The following PGM2L1 variants were observed in gnomAD, a reference collection of about 807,000 sequenced individuals.
PGM2L1 encodes glucose 1,6-bisphosphate synthase.
PGM2L1 carries 35 observed loss-of-function variants against 73.4 expected under a neutral mutation model. That is an observed-to-expected ratio of 0.48 (90% confidence interval 0.36 to 0.63). PGM2L1 has a LOEUF of 0.63. Among genes scored for constraint, PGM2L1 ranks in the 30% least tolerant of loss-of-function variants. The pLI is 0.00. For missense variants in PGM2L1, 570 were observed against 742.0 expected, an observed-to-expected ratio of 0.77 and a Z score of 2.69; for synonymous variants, 225 against 253.8, an observed-to-expected ratio of 0.89 and a Z score of 1.08.
At chr11:74,351,216 T>A (rs1288319226) in intron 6 of PGM2L1, among the ~76,000 whole-genome samples, 167 bp downstream of exon 6, 1 of 152,256 alleles carries the variant, frequency 6.6e-6, no homozygotes, top group Non-Finnish European at 1.5e-5. Context: ...ACTTATCCAT[T>A]CATTAGTTAA....
intron 5 of PGM2L1, among the ~76,000 whole-genome samples, chr11:74,360,558 G>A (rs979835536): frequency 3.3e-5 from 5 of 152,100 alleles, no homozygotes; most frequent in African/African-American, 1.2e-4. Flanking sequence ...TGGACAGTGG[G>A]GGCAGGACAG....
At chr11:74,390,170 G>GGA (rs1863079507) in intron 1 of PGM2L1, among the ~76,000 whole-genome samples, 1 of 138,888 alleles carries the variant, frequency 7.2e-6, no homozygotes, top group South Asian at 2.2e-4. Context: ...TTTTATGAAA[G>GGA]AAAAAAAAAA....
In PGM2L1 at chr11:74,342,950, C is replaced by T; in HGVS notation, c.1377G>A (p.Glu459=). Residue 459 remains glutamate, a synonymous_variant, in exon 11 of 14, where the codon GAG becomes GAA. Coordinates refer to ENST00000298198, the MANE Select transcript of PGM2L1 (RefSeq NM_173582.6). ...DGVSAAVVVA[E]MASYLETMNI... is the part of the protein sequence containing the mutation. ...TCATGGTTTCCAGGTAAGATGCCAT[C>T]TCAGCAACCACAACAGCTGCACTCA... 6.2e-7 allele frequency: 1 copy of T among 1,611,284 alleles called. No homozygotes were observed.
At chr11:74,392,602 G>A (rs1055131264) in intron 1 of PGM2L1, among the ~76,000 whole-genome samples, 1 of 151,596 alleles carries the variant, frequency 6.6e-6, no homozygotes, top group Admixed American at 6.6e-5. Context: ...GTGCAGTGGC[G>A]CGATGTCGGC....
At chr11:74,379,065 A>G (rs1420231745) in intron 1 of PGM2L1, among the ~76,000 whole-genome samples, 1 of 152,204 alleles carries the variant, frequency 6.6e-6, no homozygotes, top group Non-Finnish European at 1.5e-5. Flanking sequence ...GTATAAAGGA[A>G]TACTTGAGGC....
rs1366762446 is a variant in PGM2L1 at position 74,332,680 on chromosome 11, T to C, written c.*3972A>G. 1 of 152,490 alleles carries C rather than the reference T, an allele frequency of 6.6e-6. No homozygotes were observed. The highest frequency in any genetic ancestry group is 1.5e-5 in the Non-Finnish European group (1 of 68,030). The allele number at this position is 152,490 out of a possible 1,614,324, so 9.4% of individuals were successfully genotyped here. ...GGAAAAAAGTACTGATAGCAGCAGC[T>C]CATAGAACAACTTATCCATTAAACT... On this transcript the variant is annotated 3_prime_UTR_variant, in exon 14 of 14. Transcript: ENST00000298198.
intron 1 of PGM2L1, among the ~76,000 whole-genome samples, chr11:74,382,679 T>C (rs558579643): frequency 1.3e-5 from 2 of 152,170 alleles, no homozygotes; most frequent in South Asian, 4.1e-4. Flanking sequence ...TTTAATTTTT[T>C]GTAGAGATTG....
chr11:74,389,282 C>A (rs61258589), intron 1 of PGM2L1, among the ~76,000 whole-genome samples: 1 of 151,748 alleles, frequency 6.6e-6, no homozygotes, highest in African/African-American at 2.4e-5. Flanking sequence ...AAACAAAAAC[C>A]CTGAGCTAAT....
chr11:74,355,705 G>GGCA (rs1005080424), intron 5 of PGM2L1: 16 of 513,678 alleles, frequency 3.1e-5, no homozygotes, highest in African/African-American at 2.9e-4. Context: ...CAGTAGCTAT[G>GGCA]GCAGCAGCAG....
At chr11:74,342,801 T>C (rs1862202771) in intron 11 of PGM2L1, 84 bp downstream of exon 11, 3 of 1,429,414 alleles carry the variant, frequency 2.1e-6, no homozygotes, top group Non-Finnish European at 2.8e-6. Context: ...GGATCAACTA[T>C]TCTTCAGAAA....
intron 1 of PGM2L1, among the ~76,000 whole-genome samples, chr11:74,386,415 G>T (rs1279998372): frequency 1.3e-5 from 2 of 151,724 alleles, no homozygotes; most frequent in Non-Finnish European, 2.9e-5. Flanking sequence ...TATATTATTG[G>T]TAGAATAATA....
intron 5 of PGM2L1, among the ~76,000 whole-genome samples, 158 bp from the exon 6 acceptor site, chr11:74,351,734 G>A (rs968711469): frequency 1.3e-5 from 2 of 151,944 alleles, no homozygotes; most frequent in East Asian, 1.9e-4. Context: ...AGGCTGAGGC[G>A]GGCAGATCAC....
Position 74,336,395 on chromosome 11 carries a change from C to T in PGM2L1, c.*257G>A, listed in dbSNP as rs1862095508. On this transcript the variant is annotated 3_prime_UTR_variant, in exon 14 of 14. Coordinates refer to ENST00000298198, the MANE Select transcript of PGM2L1 (RefSeq NM_173582.6). Reference sequence around the variant, plus strand: ...TGTTTCTGTTAACGGAAGGACAATACGTTACTATAATACTTTTAGTGTAAT... The same window carrying T: ...TGTTTCTGTTAACGGAAGGACAATATGTTACTATAATACTTTTAGTGTAAT... 2 of 241,888 alleles carry T rather than the reference C, an allele frequency of 8.3e-6. No homozygotes were observed. The highest frequency in any genetic ancestry group is 2.3e-5 in the African/African-American group (1 of 44,424). 15.0% of individuals were successfully genotyped at this position (241,888 alleles called of 1,614,324 possible).
chr11:74,386,354 T>C (rs1425819751), intron 1 of PGM2L1, among the ~76,000 whole-genome samples: 1 of 151,932 alleles, frequency 6.6e-6, no homozygotes, highest in African/African-American at 2.4e-5. Context: ...CAAAGAAAAA[T>C]ATTTGATACT....
chr11:74,339,451 T>C (rs1862150949), intron 12 of PGM2L1, among the ~76,000 whole-genome samples: 1 of 152,170 alleles, frequency 6.6e-6, no homozygotes, highest in Admixed American at 6.5e-5. Flanking sequence ...TCCTCAGCTG[T>C]CCTGAGCCAT....
intron 5 of PGM2L1, among the ~76,000 whole-genome samples, chr11:74,357,536 A>G (rs1862477733): frequency 6.6e-6 from 1 of 152,246 alleles, no homozygotes; most frequent in Non-Finnish European, 1.5e-5. Context: ...GCAAATGCTG[A>G]CAAGGATGTG....
Position 74,343,564 on chromosome 11 carries a change from T to C in PGM2L1, c.1219-148A>G, listed in dbSNP as rs988995349. On this transcript the variant is annotated intron_variant, in intron 9 of 13. Coordinates refer to ENST00000298198, the MANE Select transcript of PGM2L1 (RefSeq NM_173582.6). ...AAAGATTTATACAGTAGCAGACATA[T>C]AGTAATGAAGGGCCATAAATACACA... 1.3e-5 allele frequency: 16 copies of C among 1,235,394 alleles called. No homozygotes were observed. The Admixed American group carries it at 4.1e-4, about 32-fold the overall frequency. The allele number at this position is 1,235,394 out of a possible 1,614,324, so 76.5% of individuals were successfully genotyped here.
chr11:74,369,303 A>G (rs1434717697), intron 4 of PGM2L1, among the ~76,000 whole-genome samples: 1 of 151,040 alleles, frequency 6.6e-6, no homozygotes, highest in African/African-American at 2.5e-5. Flanking sequence ...GATAATGGAA[A>G]GTGGGAATTG....
rs76059725 is a variant in PGM2L1, at chr11:74,384,778, T to C, written c.112-10196A>G. Among the ~76,000 whole-genome samples, 322 of 152,266 alleles carry C rather than the reference T, an allele frequency of 2.1e-3. 2 individuals are homozygous for C. In the East Asian group the frequency reaches 0.032, roughly 15 times the overall value. ...ATCCAAATGACTCAAAACTGGAATA[T>C]AGTCTGTATGCGGAGTGTTTACTTT... On this transcript the variant is annotated intron_variant, in intron 1 of 13. Coordinates refer to ENST00000298198, the MANE Select transcript of PGM2L1 (RefSeq NM_173582.6).
Sources: allele counts gnomAD v4.1 joint callset (sites outside exome capture counted in the v4.1 genomes callset), GRCh38; gene constraint gnomAD v4.1.1; transcripts MANE v1.5; gene names NCBI Gene and HGNC (gene_info 2026-07-23, HGNC 2026-07-21).